The following KAT6B variants were observed in gnomAD, a reference collection of about 807,000 sequenced individuals.
KAT6B encodes the protein histone acetyltransferase KAT6B.
A neutral mutation model predicts 187.5 loss-of-function variants in KAT6B; 10 were observed. That is an observed-to-expected ratio of 0.05 (90% CI 0.03 to 0.09). KAT6B has a LOEUF of 0.09. Among genes scored for constraint, KAT6B ranks in the 10% least tolerant of loss-of-function variants. The pLI is 1.00. For synonymous variants in KAT6B, 861 were observed against 926.8 expected (o/e 0.93, Z 1.29); for missense variants, 1,952 against 2,558.9 (o/e 0.76, Z 5.12).
chr10:74,875,685 C>T (rs1248354776), intron 3 of KAT6B, among the ~76,000 whole-genome samples: 1 of 152,054 alleles, frequency 6.6e-6, no homozygotes, highest in East Asian at 1.9e-4. Flanking sequence ...AGGCTGATCT[C>T]GAACTCCTGA....
At chr10:74,927,452 CT>C (rs11479404) in intron 3 of KAT6B, among the ~76,000 whole-genome samples, 27,011 of 116,618 alleles carry the variant, frequency 0.23, 4,866 homozygotes, top group African/African-American at 0.56. Context: ...TGCAAGAAAC[CT>C]TTTTTTTTTT....
At chr10:74,852,075 G>A (rs1171089756) in intron 3 of KAT6B, among the ~76,000 whole-genome samples, 1 of 152,114 alleles carries the variant, frequency 6.6e-6, no homozygotes, top group Non-Finnish European at 1.5e-5. Flanking sequence ...TAGGGGAATT[G>A]TTCATAGTCT....
At chr10:74,878,465 A>C (rs1844586279) in intron 3 of KAT6B, among the ~76,000 whole-genome samples, 2 of 151,900 alleles carry the variant, frequency 1.3e-5, no homozygotes, top group Admixed American at 1.3e-4. Context: ...ACTAAAATAC[A>C]AAAAATTAGC....
Position 74,952,846 on chromosome 10 carries a change from ATTTTTTTTTTTT to A in KAT6B, c.622-7110_622-7099del, listed in dbSNP as rs34687036. 1.7e-4 allele frequency among the ~76,000 whole-genome samples: 15 copies of A among 90,522 alleles called. No individual in the cohort carries two copies. The East Asian group carries it at 4.1e-3, about 25-fold the overall frequency. The allele number at this position is 90,522 out of a possible 152,430, so 59.4% of individuals were successfully genotyped here. A position where few individuals can be genotyped will look rare whatever the true frequency, so the allele number is the denominator to read the frequency against. Reference sequence around the variant, plus strand: ...GGATTACAGGCACCATGCCTGGCTAATTTTTTTTTTTTTTTTTTTTTTTTTGTATTTTTAGTA... The same window carrying A: ...GGATTACAGGCACCATGCCTGGCTAATTTTTTTTTTTTTGTATTTTTAGTA... On this transcript the variant is annotated intron_variant, in intron 3 of 17. Coordinates refer to ENST00000287239, the MANE Select transcript of KAT6B (RefSeq NM_012330.4).
chr10:74,873,305 GAAA>G (rs11310083), intron 3 of KAT6B, among the ~76,000 whole-genome samples: 1 of 133,034 alleles, frequency 7.5e-6, no homozygotes, highest in Non-Finnish European at 1.7e-5. Flanking sequence ...TACAAAAAAT[GAAA>G]AAAAAAAAAA....
chr10:75,018,557 C>G (rs991185291), intron 13 of KAT6B, among the ~76,000 whole-genome samples: 1 of 152,188 alleles, frequency 6.6e-6, no homozygotes, highest in Non-Finnish European at 1.5e-5. Flanking sequence ...TTTTCTGATG[C>G]TGGCTGCTGC....
chr10:75,024,870 C>T, intron 16 of KAT6B, 88 bp from the exon 17 acceptor site: 3 of 1,219,402 alleles, frequency 2.5e-6, no homozygotes, highest in Non-Finnish European at 3.6e-6. Context: ...GATTCTCAGA[C>T]ACGCGTTCAG....
chr10:74,985,329 T>C (rs2076367597), intron 12 of KAT6B, 88 bp downstream of exon 12: 1 of 1,262,860 alleles, frequency 7.9e-7, no homozygotes, highest in Non-Finnish European at 1.1e-6. Flanking sequence ...TTTTCATTAC[T>C]ATAATTTGAA....
At chr10:75,025,351 G>A in intron 17 of KAT6B, 102 bp downstream of exon 17, 1 of 1,199,960 alleles carries the variant, frequency 8.3e-7, no homozygotes. Flanking sequence ...CACCTGCGAA[G>A]TGGTGCTGAT....
chr10:74,971,085 G>A (rs774506564), intron 6 of KAT6B, among the ~76,000 whole-genome samples: 6 of 152,084 alleles, frequency 3.9e-5, no homozygotes, highest in Non-Finnish European at 8.8e-5. Flanking sequence ...GCTGTCTTAC[G>A]TTCCAATTTG....
chr10:74,950,294 G>A (rs1268949514), intron 3 of KAT6B, among the ~76,000 whole-genome samples: 3 of 152,146 alleles, frequency 2.0e-5, no homozygotes, highest in Admixed American at 6.5e-5. Context: ...TAGACTTGTC[G>A]TAAACAGAGT....
chr10:74,861,628 T>C (rs1029943580), intron 3 of KAT6B, among the ~76,000 whole-genome samples: 1 of 152,210 alleles, frequency 6.6e-6, no homozygotes, highest in Non-Finnish European at 1.5e-5. Flanking sequence ...CCTTGATCTG[T>C]ACATGTAACC....
intron 17 of KAT6B, 95 bp downstream of exon 17, chr10:75,025,344 C>CACTTCGCAGG: frequency 7.7e-7 from 1 of 1,298,748 alleles, no homozygotes; most frequent in Non-Finnish European, 1.1e-6. Flanking sequence ...CCAGAGGCAC[C>CACTTCGCAGG]TGCGAAGTGG....
At chr10:75,007,376 A>G (rs7924170) in intron 13 of KAT6B, among the ~76,000 whole-genome samples, 18,823 of 152,168 alleles carry the variant, frequency 0.12, 2,289 homozygotes, top group African/African-American at 0.31. Flanking sequence ...GTATAGGTCA[A>G]GTGGCCCCAG....
chr10:74,868,519 G>A (rs1843700271), intron 3 of KAT6B, among the ~76,000 whole-genome samples: 1 of 152,110 alleles, frequency 6.6e-6, no homozygotes. Context: ...TTTACTGAAG[G>A]TGCAATATAG....
At chr10:74,947,416 A>G (rs1365186383) in intron 3 of KAT6B, among the ~76,000 whole-genome samples, 1 of 152,220 alleles carries the variant, frequency 6.6e-6, no homozygotes, top group Non-Finnish European at 1.5e-5. Flanking sequence ...ATTATTATTT[A>G]TTTACCATTT....
chr10:74,879,847 C>T (rs1291368160), intron 3 of KAT6B, among the ~76,000 whole-genome samples: 3 of 152,166 alleles, frequency 2.0e-5, no homozygotes, highest in African/African-American at 7.2e-5. Flanking sequence ...GTAATCCCAG[C>T]ACTTTGGGAG....
At chr10:74,849,203 A>G (rs908828616) in intron 3 of KAT6B, among the ~76,000 whole-genome samples, 2 of 152,048 alleles carry the variant, frequency 1.3e-5, no homozygotes, top group Non-Finnish European at 1.5e-5. Flanking sequence ...GCTGGCCTTG[A>G]ACTCCTGGCC....
At chr10:74,994,714 A>C (rs868380546) in intron 13 of KAT6B, among the ~76,000 whole-genome samples, 26 of 150,910 alleles carry the variant, frequency 1.7e-4, no homozygotes, top group Admixed American at 7.9e-4. Flanking sequence ...TGAACCCGGG[A>C]GGTGGAGGTT....
Sources: allele counts gnomAD v4.1 joint callset (sites outside exome capture counted in the v4.1 genomes callset), GRCh38; gene constraint gnomAD v4.1.1; transcripts MANE v1.5; gene names NCBI Gene and HGNC (gene_info 2026-07-23, HGNC 2026-07-21).